VPS13C: variants seen among roughly 807,000 people sequenced by gnomAD.
VPS13C encodes vacuolar protein sorting 13 homolog C.
In VPS13C, 358 loss-of-function variants were observed where a neutral mutation model predicts 456.8. The observed-to-expected ratio is 0.78, with a 90% CI of 0.72 to 0.86. VPS13C has a LOEUF of 0.86. Among genes scored for constraint, VPS13C ranks in the 40% least tolerant of loss-of-function variants. VPS13C has a pLI of 0.00. For missense variants in VPS13C, 4,818 were observed against 4,385.4 expected (o/e 1.10, Z -2.79); for synonymous variants, 1,578 against 1,486.7 (o/e 1.06, Z -1.41).
At chr15:61,925,643 T>A in intron 52 of VPS13C, 95 bp from the exon 53 acceptor site, 1 of 854,680 alleles carries the variant, frequency 1.2e-6, no homozygotes, top group Non-Finnish European at 1.6e-6. Flanking sequence ...TTGGGATCTT[T>A]AACTACAGCC....
chr15:62,045,825 A>G (rs1332927244), intron 1 of VPS13C, among the ~76,000 whole-genome samples: 1 of 152,176 alleles, frequency 6.6e-6, no homozygotes, highest in Non-Finnish European at 1.5e-5. Flanking sequence ...AAGAAGGCAT[A>G]ACTCACAATA....
At chr15:62,031,660 GA>G (rs1477652389) in intron 5 of VPS13C, among the ~76,000 whole-genome samples, 1 of 151,694 alleles carries the variant, frequency 6.6e-6, no homozygotes, top group Non-Finnish European at 1.5e-5. Context: ...AATTCTATAT[GA>G]AAAAAACTTA....
chr15:61,960,562 G>A (rs533132371), intron 35 of VPS13C, among the ~76,000 whole-genome samples: 1 of 152,224 alleles, frequency 6.6e-6, no homozygotes, highest in Admixed American at 6.5e-5. Context: ...GTTTATAGGA[G>A]ACATATGATA....
chr15:62,060,232 G>A (rs765460768), intron 1 of VPS13C, 43 bp downstream of exon 1: 5 of 1,209,194 alleles, frequency 4.1e-6, no homozygotes, highest in Non-Finnish European at 3.6e-6. Flanking sequence ...CCTCGGCTGG[G>A]CCCTCAGCGC....
chr15:61,856,687 CTTTTTTTTTTT>C (rs542779595), intron 82 of VPS13C: 3 of 114,822 alleles, frequency 2.6e-5, no homozygotes, highest in South Asian at 2.0e-4. Context: ...TTTTTCTTTT[CTTTTTTTTTTT>C]TTTTTTTTTT....
intron 52 of VPS13C, 31 bp from the exon 53 acceptor site, chr15:61,925,579 C>A: frequency 6.8e-7 from 1 of 1,477,462 alleles, no homozygotes; most frequent in South Asian, 1.3e-5. Flanking sequence ...TTCACATTTC[C>A]ATAGATCCAT....
chr15:61,947,343 G>C (rs746398853), intron 42 of VPS13C, 34 bp from the exon 43 acceptor site: 98 of 1,493,212 alleles, frequency 6.6e-5, no homozygotes, highest in Non-Finnish European at 8.9e-5. Context: ...GATGAGCAAA[G>C]GGAAAAGATA....
At chr15:61,946,185 C>T (rs1416732046) in intron 44 of VPS13C, 122 bp downstream of exon 44, 1 of 787,998 alleles carries the variant, frequency 1.3e-6, no homozygotes, top group Non-Finnish European at 1.9e-6. Context: ...TTTTCATCTC[C>T]AATTCCTAAT....
chr15:61,978,719 T>A lies in VPS13C; in HGVS notation c.2197A>T (p.Thr733Ser). 1.2e-6 allele frequency: 2 copies of A among 1,609,402 alleles called. No homozygotes were observed. The highest frequency in any genetic ancestry group is 1.7e-6 in the Non-Finnish European group (2 of 1,178,352). Residue 733 changes from threonine to serine, a missense_variant, in exon 23 of 85, where the codon ACT (threonine) becomes TCT (serine). Transcript: ENST00000644861. ...ATTTCTTCCAGAGATGAATTAGTAG[T>A]CTTCTGTAAACCTTGATCTTTACTG... Reference protein sequence around the residue: ...LNSKDQGLQKTTNSSLEEIMD... With the variant: ...LNSKDQGLQKSTNSSLEEIMD...
At chr15:61,888,971 G>A (rs116127672) in intron 67 of VPS13C, among the ~76,000 whole-genome samples, 1,802 of 152,138 alleles carry the variant, frequency 0.012, 41 homozygotes, top group African/African-American at 0.041. Flanking sequence ...GTGCGGGTAC[G>A]TGAAAACTCT....
rs543284991 is a variant in VPS13C at position 61,939,975 on chromosome 15, C to T, written c.5601+672G>A. On this transcript the variant is annotated intron_variant, in intron 47 of 84. Transcript: ENST00000644861. ...TGCCACTGCACTCCAGCCTAGGCCA[C>T]AGAGCAAGACTCCGTCTCAAAAAAA... Among the ~76,000 whole-genome samples, 6 of 143,302 alleles carry T rather than the reference C, an allele frequency of 4.2e-5. No homozygotes were observed. The East Asian group carries it at 1.0e-3, about 24-fold the overall frequency. 94.0% of individuals were successfully genotyped at this position (143,302 alleles called of 152,430 possible). A position where few individuals can be genotyped will look rare whatever the true frequency, so the allele number is the denominator to read the frequency against.
At chr15:61,866,267 TA>T in intron 81 of VPS13C, 1 of 984,292 alleles carries the variant, frequency 1.0e-6, no homozygotes, top group African/African-American at 1.7e-5. Flanking sequence ...AATAATGCAC[TA>T]AAGTTTTAAA....
rs576605297 is a variant in VPS13C, at chr15:61,994,530, T to C, written c.1354-2728A>G. Among the ~76,000 whole-genome samples, 9 of 152,192 alleles carry C rather than the reference T, an allele frequency of 5.9e-5. No individual in the cohort carries two copies. In the South Asian group the frequency reaches 1.2e-3, roughly 21 times the overall value. On this transcript the variant is annotated intron_variant, in intron 16 of 84. Transcript: ENST00000644861. ...TTGTAGAGTCACTTACAATTAAATA[T>C]AGCCAGTGAGAAACAGTGAAGCAAA... is the stretch of plus-strand genomic sequence containing the variant.
chr15:62,012,321 C>T (rs954504079), intron 11 of VPS13C, among the ~76,000 whole-genome samples, 157 bp from the exon 12 acceptor site: 8 of 151,396 alleles, frequency 5.3e-5, no homozygotes, highest in Admixed American at 1.3e-4. Flanking sequence ...GAAAAATACA[C>T]GGAGCATTAT....
intron 3 of VPS13C, among the ~76,000 whole-genome samples, chr15:62,036,166 C>G (rs2047994298): frequency 6.6e-6 from 1 of 151,954 alleles, no homozygotes; most frequent in Non-Finnish European, 1.5e-5. Context: ...ATCTATAGGT[C>G]TCTCAGAGCT....
chr15:61,972,743 T>A lies in VPS13C; in HGVS notation c.2639A>T (p.Asp880Val). 1.2e-6 allele frequency: 2 copies of A among 1,611,842 alleles called. No homozygotes were observed. The highest frequency in any genetic ancestry group is 1.7e-6 in the Non-Finnish European group (2 of 1,179,010). The change falls in exon 27 of 85, where the codon GAT (aspartate) becomes GTT (valine). Residue 880 changes from aspartate to valine, a missense_variant. Coordinates refer to ENST00000644861, the MANE Select transcript of VPS13C (RefSeq NM_020821.3). ...AGTCTGTGGTTCTCCATCTTCAGCA[T>A]CAAAATACTCATCATCAGACTCTAA... is the stretch of plus-strand genomic sequence containing the variant. ...VESESDDEYFDAEDGEPQTCK... is the reference protein window; with the variant it reads ...VESESDDEYFVAEDGEPQTCK...
Position 61,913,298 on chromosome 15 carries a change from A to C in VPS13C, c.8550+13T>G, listed in dbSNP as rs1414653509. Reference sequence around the variant, plus strand: ...GAACGGAATCAAAGGTAAATAAGGAAGCAGAATCTTACCAGGTACTCCATA... The same window carrying C: ...GAACGGAATCAAAGGTAAATAAGGACGCAGAATCTTACCAGGTACTCCATA... On this transcript the variant is annotated intron_variant, in intron 62 of 84. Transcript: ENST00000644861. 1 of 1,609,462 alleles carries C rather than the reference A, an allele frequency of 6.2e-7. No homozygotes were observed. Among genetic ancestry groups the C allele is most frequent in the South Asian group, 1.1e-5 (1 of 90,912 alleles).
In VPS13C at chr15:61,940,856, C is replaced by A. The variant is rs77865111; in HGVS notation, c.5454-62G>T. On this transcript the variant is annotated intron_variant, in intron 46 of 84. Coordinates refer to ENST00000644861, the MANE Select transcript of VPS13C (RefSeq NM_020821.3). Reference sequence around the variant, plus strand: ...TTTACATTTTAAAATGAGGACTATCCTATTGTGTAACAGTTTCCACACAGC... The same window carrying A: ...TTTACATTTTAAAATGAGGACTATCATATTGTGTAACAGTTTCCACACAGC... The A allele has an allele frequency of 2.1e-3, 3,200 of 1,506,576 alleles. 69 individuals carry two copies. The African/African-American group carries it at 0.04, about 19-fold the overall frequency. The allele number at this position is 1,506,576 out of a possible 1,614,324, so 93.3% of individuals were successfully genotyped here.
chr15:61,933,077 T>G (rs1317605907), intron 49 of VPS13C, among the ~76,000 whole-genome samples: 1 of 152,084 alleles, frequency 6.6e-6, no homozygotes, highest in Non-Finnish European at 1.5e-5. Context: ...AAGAAGAGTT[T>G]CAAATAAAGC....
Sources: gnomAD v4.1 joint callset for allele counts (sites outside exome capture counted in the v4.1 genomes callset) on GRCh38, gnomAD v4.1.1 for gene constraint, MANE v1.5 for transcripts, NCBI Gene and HGNC (gene_info 2026-07-23, HGNC 2026-07-21) for gene names.